The following CAB39L variants were observed in gnomAD, a reference collection of about 807,000 sequenced individuals.
CAB39L encodes calcium binding protein 39 like.
A neutral mutation model predicts 39.1 loss-of-function variants in CAB39L; 23 were observed. The ratio of observed to expected loss-of-function variants is 0.59; its 90% CI spans 0.42 to 0.83. The LOEUF (loss-of-function observed/expected upper bound fraction) is 0.83. Among genes scored for constraint, CAB39L ranks in the 40% least tolerant of loss-of-function variants. CAB39L has a pLI of 0.00. For missense variants in CAB39L, 366 were observed against 391.9 expected (o/e 0.93, Z 0.56); for synonymous variants, 126 against 137.2 (o/e 0.92, Z 0.57).
chr13:49,385,385 C>T (rs1956335737), intron 3 of CAB39L, among the ~76,000 whole-genome samples: 1 of 152,252 alleles, frequency 6.6e-6, no homozygotes, highest in Non-Finnish European at 1.5e-5. Flanking sequence ...GTTTGATCTT[C>T]TATCCAGACC....
At chr13:49,335,823 C>T (rs1470264171) in intron 9 of CAB39L, among the ~76,000 whole-genome samples, 1 of 152,074 alleles carries the variant, frequency 6.6e-6, no homozygotes, top group South Asian at 2.1e-4. Flanking sequence ...TTTTTATTGA[C>T]ACCAGGAATT....
chr13:49,343,682 T>C (rs1000615847), intron 8 of CAB39L, among the ~76,000 whole-genome samples: 4 of 151,392 alleles, frequency 2.6e-5, no homozygotes, highest in African/African-American at 7.3e-5. Context: ...AGAGAAAGGA[T>C]GCATGTTTTG....
intron 6 of CAB39L, among the ~76,000 whole-genome samples, chr13:49,359,110 C>T (rs1955561653): frequency 6.6e-6 from 1 of 152,114 alleles, no homozygotes. Flanking sequence ...GGTCTGCTGT[C>T]CTCAAGCTTT....
Position 49,350,065 on chromosome 13 carries a change from T to C in CAB39L, c.564+679A>G, listed in dbSNP as rs541779565. Among the ~76,000 whole-genome samples the C allele has an allele frequency of 3.9e-5, 6 of 152,230 alleles. No individual in the cohort carries two copies. In the South Asian group the frequency reaches 1.2e-3, roughly 32 times the overall value. On this transcript the variant is annotated intron_variant, in intron 7 of 10. Transcript: ENST00000409308. ...GAGGAGGAAATGGGGAGTTATTATTTAATAAGTATAGAGGTAGAGTTTGAA... is the reference window on the plus strand; with the variant it reads ...GAGGAGGAAATGGGGAGTTATTATTCAATAAGTATAGAGGTAGAGTTTGAA...
At position 49,421,936 on chromosome 13, in the gene CAB39L, A is replaced by G. The variant is rs544744422; in HGVS notation, c.-32+11382T>C. On this transcript the variant is annotated intron_variant, in intron 3 of 10. Coordinates refer to ENST00000409308, the MANE Select transcript of CAB39L (RefSeq NM_001079670.3). Reference sequence around the variant, plus strand: ...CACAAAAAATAATAATAATACACAAATGTCCAAGTTTCAGTCAAAAATCAC... The same window carrying G: ...CACAAAAAATAATAATAATACACAAGTGTCCAAGTTTCAGTCAAAAATCAC... 3.9e-5 allele frequency among the ~76,000 whole-genome samples: 6 copies of G among 152,188 alleles called. No individual in the cohort carries two copies. The South Asian group carries it at 1.2e-3, about 32-fold the overall frequency.
At chr13:49,390,684 A>G (rs540619228) in intron 3 of CAB39L, among the ~76,000 whole-genome samples, 1 of 152,346 alleles carries the variant, frequency 6.6e-6, no homozygotes, top group East Asian at 1.9e-4. Flanking sequence ...TAAACAATGA[A>G]TGAGAAAACA....
In CAB39L at chr13:49,395,882, T is replaced by C. The variant is rs1028220020; in HGVS notation, c.-31-12941A>G. On this transcript the variant is annotated intron_variant, in intron 3 of 10. Coordinates refer to ENST00000409308, the MANE Select transcript of CAB39L (RefSeq NM_001079670.3). ...CCTAGGGGAAGAGGGGAATAGCCAC[T>C]TGGAGCATTAAATGCCCTTGTTGTT... Among the ~76,000 whole-genome samples the C allele has an allele frequency of 2.6e-5, 4 of 152,158 alleles. No homozygotes were observed. In the East Asian group the frequency reaches 7.7e-4, roughly 29 times the overall value.
chr13:49,351,666 G>A (rs1418025950), intron 6 of CAB39L, among the ~76,000 whole-genome samples: 1 of 152,198 alleles, frequency 6.6e-6, no homozygotes, highest in East Asian at 1.9e-4. Flanking sequence ...TAAAACAGCA[G>A]GAGACATATA....
At chr13:49,406,169 C>CT (rs1215587782) in intron 3 of CAB39L, among the ~76,000 whole-genome samples, 7,178 of 134,350 alleles carry the variant, frequency 0.053, 413 homozygotes, top group African/African-American at 0.13. Context: ...TTGGAATGCT[C>CT]TTTTTTTTTT....
chr13:49,364,555 CA>C (rs1955723254), intron 5 of CAB39L, among the ~76,000 whole-genome samples: 1 of 151,988 alleles, frequency 6.6e-6, no homozygotes, highest in Admixed American at 6.6e-5. Context: ...AAAGACTCCA[CA>C]AAAAAACTAT....
At chr13:49,318,833 T>C (rs1347858747) in intron 10 of CAB39L, among the ~76,000 whole-genome samples, 2 of 151,600 alleles carry the variant, frequency 1.3e-5, no homozygotes, top group South Asian at 2.1e-4. Context: ...TGTGTAGTAG[T>C]GTTCATAGCA....
intron 3 of CAB39L, among the ~76,000 whole-genome samples, chr13:49,420,027 T>C (rs1427844117): frequency 6.6e-6 from 1 of 152,184 alleles, no homozygotes; most frequent in Non-Finnish European, 1.5e-5. Flanking sequence ...ATCACAGCCA[T>C]CATAAAATAA....
In CAB39L at chr13:49,344,167, A is replaced by G. The variant is rs1238294451; in HGVS notation, c.624+12T>C. 1 of 1,509,586 alleles carries G rather than the reference A, an allele frequency of 6.6e-7. No individual in the cohort carries two copies. Among genetic ancestry groups the G allele is most frequent in the African/African-American group, 1.4e-5 (1 of 72,802 alleles). 93.5% of individuals were successfully genotyped at this position (1,509,586 alleles called of 1,614,324 possible). On this transcript the variant is annotated intron_variant, in intron 8 of 10. Coordinates refer to ENST00000409308, the MANE Select transcript of CAB39L (RefSeq NM_001079670.3). The stretch of plus-strand genomic sequence containing the variant: ...GAAAGTGGGAAAGTCTTTAAAAATG[A>G]TTTCTACTTACAGTGTCGTAATTTT...
chr13:49,330,802 T>G (rs1954669592), intron 10 of CAB39L, among the ~76,000 whole-genome samples: 1 of 151,588 alleles, frequency 6.6e-6, no homozygotes, highest in East Asian at 1.9e-4. Flanking sequence ...TCTTAAATAT[T>G]AAAAAAATTA....
chr13:49,433,731 T>C (rs927325305), intron 2 of CAB39L, among the ~76,000 whole-genome samples: 1 of 152,198 alleles, frequency 6.6e-6, no homozygotes, highest in Non-Finnish European at 1.5e-5. Flanking sequence ...TTTAAACTAG[T>C]ATCTTAAAGG....
intron 5 of CAB39L, among the ~76,000 whole-genome samples, chr13:49,370,333 A>T (rs983449194): frequency 1.3e-5 from 2 of 152,200 alleles, no homozygotes; most frequent in South Asian, 4.1e-4. Context: ...TATCTCCCCC[A>T]CTGCCCCAAT....
At chr13:49,413,149 A>G (rs1283560062) in intron 3 of CAB39L, 3 of 152,248 alleles carry the variant, frequency 2.0e-5, no homozygotes, top group African/African-American at 7.2e-5. Context: ...TTAGCTATCT[A>G]TATAAAATCA....
intron 9 of CAB39L, among the ~76,000 whole-genome samples, chr13:49,335,205 T>A (rs1247353479): frequency 6.6e-6 from 1 of 152,228 alleles, no homozygotes; most frequent in Non-Finnish European, 1.5e-5. Context: ...ATATATATCA[T>A]ATACACTCAT....
chr13:49,402,782 C>T (rs1956800641), intron 3 of CAB39L, among the ~76,000 whole-genome samples: 1 of 151,968 alleles, frequency 6.6e-6, no homozygotes, highest in Non-Finnish European at 1.5e-5. Flanking sequence ...CTATATTATA[C>T]AGTTATTTGG....
Sources: allele counts gnomAD v4.1 joint callset (sites outside exome capture counted in the v4.1 genomes callset), GRCh38; gene constraint gnomAD v4.1.1; transcripts MANE v1.5; gene names NCBI Gene and HGNC (gene_info 2026-07-23, HGNC 2026-07-21).